The following PPM1H variants were observed in gnomAD, a reference collection of about 807,000 sequenced individuals.
PPM1H encodes protein phosphatase, Mg2+/Mn2+ dependent 1H, also known as protein phosphatase 1H.
In PPM1H, 27 loss-of-function variants were observed where a neutral mutation model predicts 54.9. The ratio of observed to expected loss-of-function variants is 0.49; its 90% confidence interval spans 0.36 to 0.68. PPM1H has a LOEUF of 0.68. Among genes scored for constraint, PPM1H ranks in the 30% least tolerant of loss-of-function variants. The pLI, the probability that PPM1H is intolerant of heterozygous loss-of-function variation, is 0.00. For missense variants in PPM1H, 596 were observed against 667.8 expected, an observed-to-expected ratio of 0.89 and a Z score of 1.19; for synonymous variants, 305 against 270.8, an observed-to-expected ratio of 1.13 and a Z score of -1.24.
At chr12:62,884,291 A>G (rs1870500443) in intron 1 of PPM1H, among the ~76,000 whole-genome samples, 2 of 150,838 alleles carry the variant, frequency 1.3e-5, no homozygotes. Context: ...GTTCGAGACC[A>G]GCCTGGCCGA....
chr12:62,917,850 C>A (rs1231547131), intron 1 of PPM1H, among the ~76,000 whole-genome samples: 1 of 152,104 alleles, frequency 6.6e-6, no homozygotes, highest in Non-Finnish European at 1.5e-5. Context: ...GTTTCCACTA[C>A]ACCATACTTG....
At chr12:62,818,349 A>G (rs2076882796) in intron 2 of PPM1H, among the ~76,000 whole-genome samples, 1 of 152,214 alleles carries the variant, frequency 6.6e-6, no homozygotes, top group South Asian at 2.1e-4. Flanking sequence ...GGCAATCAGT[A>G]TGATAAATAA....
In PPM1H at chr12:62,853,108, C is replaced by T. The variant is rs370728893; in HGVS notation, c.246-20829G>A. ...GGGGCGGTGGAAATGCAAATATGGA[C>T]CATATGTCATGAATCAATGAGAAGT... is the stretch of plus-strand genomic sequence containing the variant. On this transcript the variant is annotated intron_variant, in intron 1 of 9. Coordinates refer to ENST00000228705, the MANE Select transcript of PPM1H (RefSeq NM_020700.2). 8.6e-5 allele frequency among the ~76,000 whole-genome samples: 13 copies of T among 151,468 alleles called. No homozygotes were observed. In the East Asian group the frequency reaches 1.8e-3, roughly 20 times the overall value.
chr12:62,849,650 G>C (rs576216938), intron 1 of PPM1H, among the ~76,000 whole-genome samples: 1 of 152,244 alleles, frequency 6.6e-6, no homozygotes, highest in African/African-American at 2.4e-5. Flanking sequence ...TGGCAAAGAG[G>C]TTATCAGTGG....
intron 1 of PPM1H, among the ~76,000 whole-genome samples, chr12:62,858,812 G>C (rs1321135320): frequency 6.6e-6 from 1 of 152,132 alleles, no homozygotes; most frequent in African/African-American, 2.4e-5. Context: ...TAATTTAACT[G>C]CTTTGGTACA....
At chr12:62,926,643 A>C (rs548555014) in intron 1 of PPM1H, among the ~76,000 whole-genome samples, 13 of 152,304 alleles carry the variant, frequency 8.5e-5, no homozygotes, top group Non-Finnish European at 4.4e-5. Flanking sequence ...ATGAATATAA[A>C]CAGGAAAACC....
intron 9 of PPM1H, among the ~76,000 whole-genome samples, chr12:62,650,035 T>C (rs2075807026): frequency 6.6e-6 from 1 of 152,218 alleles, no homozygotes; most frequent in South Asian, 2.1e-4. Flanking sequence ...TTCAGTAGTC[T>C]CGCCTTCAGA....
intron 6 of PPM1H, among the ~76,000 whole-genome samples, chr12:62,696,004 T>A (rs1342035877): frequency 6.6e-6 from 1 of 151,542 alleles, no homozygotes; most frequent in Non-Finnish European, 1.5e-5. Flanking sequence ...TGTAGAAGAG[T>A]TGGGTCTATG....
chr12:62,653,962 C>T lies in PPM1H; in HGVS notation c.1398-5326G>A, dbSNP rs141708254. 2.6e-5 allele frequency among the ~76,000 whole-genome samples: 4 copies of T among 152,140 alleles called. No individual in the cohort carries two copies. In the East Asian group the frequency reaches 7.7e-4, roughly 29 times the overall value. On this transcript the variant is annotated intron_variant, in intron 9 of 9. Transcript: ENST00000228705. ...CAGTCTCCCAATAGAAAACACCTGG[C>T]CAGGTGCAGTGGCTTACGCTTGTAA...
At chr12:62,871,701 A>C (rs1446066298) in intron 1 of PPM1H, among the ~76,000 whole-genome samples, 1 of 151,858 alleles carries the variant, frequency 6.6e-6, no homozygotes, top group Admixed American at 6.6e-5. Context: ...TTTTTGGTAG[A>C]GACAGGGTTT....
chr12:62,659,269 C>CA (rs11349692), intron 9 of PPM1H: 23,897 of 91,656 alleles, frequency 0.26, 3,091 homozygotes, highest in African/African-American at 0.32. Context: ...GTAAAAACTG[C>CA]AAAAAAAAAA....
chr12:62,713,830 G>A (rs2076221130), intron 6 of PPM1H, among the ~76,000 whole-genome samples: 1 of 152,040 alleles, frequency 6.6e-6, no homozygotes, highest in Non-Finnish European at 1.5e-5. Context: ...TTAGCAGGGT[G>A]TGGTGTCACA....
intron 1 of PPM1H, among the ~76,000 whole-genome samples, chr12:62,853,501 A>G (rs1484809891): frequency 6.6e-6 from 1 of 152,192 alleles, no homozygotes. Context: ...AAATATCAAG[A>G]ATGGGAGGAG....
chr12:62,674,263 G>A (rs1156568062), intron 8 of PPM1H, among the ~76,000 whole-genome samples: 1 of 152,128 alleles, frequency 6.6e-6, no homozygotes, highest in Non-Finnish European at 1.5e-5. Flanking sequence ...AATTCCCAAA[G>A]TCTCATTTAA....
intron 2 of PPM1H, among the ~76,000 whole-genome samples, chr12:62,803,972 C>T (rs539377531): frequency 1.3e-5 from 2 of 152,282 alleles, no homozygotes; most frequent in South Asian, 4.1e-4. Context: ...TGCTCACCAT[C>T]GATACCTTTC....
chr12:62,746,342 C>T (rs948621591), intron 4 of PPM1H, among the ~76,000 whole-genome samples: 3 of 152,188 alleles, frequency 2.0e-5, no homozygotes, highest in South Asian at 2.1e-4. Flanking sequence ...CAGTATATAT[C>T]CAGGTGTGAT....
At chr12:62,744,455 A>G in intron 4 of PPM1H, among the ~76,000 whole-genome samples, 1 of 144,192 alleles carries the variant, frequency 6.9e-6, no homozygotes, top group Non-Finnish European at 1.5e-5. Flanking sequence ...TGGGCAACAG[A>G]GTGAGACTCT....
intron 4 of PPM1H, among the ~76,000 whole-genome samples, chr12:62,759,979 C>T (rs891183304): frequency 6.6e-6 from 1 of 152,140 alleles, no homozygotes; most frequent in Non-Finnish European, 1.5e-5. Context: ...AAACTTGCCT[C>T]CTTCACTATG....
intron 3 of PPM1H, among the ~76,000 whole-genome samples, chr12:62,791,432 C>CT (rs1304325624): frequency 6.6e-6 from 1 of 151,676 alleles, no homozygotes; most frequent in Non-Finnish European, 1.5e-5. Context: ...GGAATTGCTA[C>CT]TTTTTTTGCA....
Sources: allele counts gnomAD v4.1 joint callset (sites outside exome capture counted in the v4.1 genomes callset), GRCh38; gene constraint gnomAD v4.1.1; transcripts MANE v1.5; gene names NCBI Gene and HGNC (gene_info 2026-07-23, HGNC 2026-07-21).